OR51B5: variants seen among roughly 807,000 people sequenced by gnomAD.
OR51B5 encodes olfactory receptor 51B5.
For synonymous variants in OR51B5, 186 were observed against 144.8 expected (o/e 1.28, Z -2.04); for missense variants, 456 against 374.6 (o/e 1.22, Z -1.79).
chr11:5,480,287 T>A (rs894993170), intron 1 of OR51B5, among the ~76,000 whole-genome samples: 2 of 150,760 alleles, frequency 1.3e-5, no homozygotes, highest in African/African-American at 4.9e-5. Context: ...AAGGCAGAAA[T>A]AAAGATGTTC....
intron 1 of OR51B5, chr11:5,389,590 C>G (rs1173009557): frequency 1.2e-6 from 2 of 1,613,834 alleles, no homozygotes; most frequent in Non-Finnish European, 1.7e-6. Context: ...TTAAGACCAA[C>G]CCTCGTCTGC....
Position 5,489,671 on chromosome 11 carries a change from G to A in OR51B5, n.84+15898C>T, listed in dbSNP as rs749831694. On this transcript the variant is annotated intron_variant and non_coding_transcript_variant, in intron 1 of 4. Coordinates refer to the OR51B5 transcript ENST00000415970. Reference sequence around the variant, plus strand: ...GGGAAGACTTCAATATGAATGCTGAGCAGAAGTTGGAGATTTAAAAAAAAG... The same window carrying A: ...GGGAAGACTTCAATATGAATGCTGAACAGAAGTTGGAGATTTAAAAAAAAG... 5.7e-6 allele frequency: 9 copies of A among 1,583,588 alleles called. No homozygotes were observed. In the Admixed American group the frequency reaches 1.5e-4, roughly 27 times the overall value.
chr11:5,352,996 A>G (rs1198233226), intron 1 of OR51B5, among the ~76,000 whole-genome samples: 3 of 151,422 alleles, frequency 2.0e-5, no homozygotes, highest in Admixed American at 6.6e-5. Context: ...TATGGCTTGC[A>G]TATATTAGTC....
chr11:5,453,183 G>T, intron 1 of OR51B5: 1 of 220,118 alleles, frequency 4.5e-6, no homozygotes, highest in Non-Finnish European at 8.8e-6. Flanking sequence ...TTGTAGAAAT[G>T]TAGTTTAAAC....
intron 1 of OR51B5, among the ~76,000 whole-genome samples, chr11:5,349,991 C>A (rs550066687): frequency 6.6e-6 from 1 of 152,246 alleles, no homozygotes; most frequent in East Asian, 1.9e-4. Context: ...CCATCATCAT[C>A]TTATATCTGT....
rs746542613 is a variant in OR51B5, at chr11:5,441,605, T to A, written n.84+63964A>T. 86 of 970,328 alleles carry A rather than the reference T, an allele frequency of 8.9e-5. 1 individual carries two copies. The highest frequency in any genetic ancestry group is 1.9e-4 in the Admixed American group (8 of 42,170). The allele number at this position is 970,328 out of a possible 1,614,324, so 60.1% of individuals were successfully genotyped here. A position where few individuals can be genotyped will look rare whatever the true frequency, so the allele number is the denominator to read the frequency against. ...CAGATATCCTGTCTCCAACAAAAGG[T>A]CATAGATTGAAAATGATTGCCTGTA... is the stretch of plus-strand genomic sequence containing the variant. On this transcript the variant is annotated intron_variant and non_coding_transcript_variant, in intron 1 of 4. Transcript: ENST00000415970.
rs7106233 is a variant in OR51B5 at position 5,412,373 on chromosome 11, G to T, written n.85-65463C>A. On this transcript the variant is annotated intron_variant and non_coding_transcript_variant, in intron 1 of 4. Coordinates refer to the OR51B5 transcript ENST00000415970. ...TCCCAGCGTGAGCGATGCAGAAGAC[G>T]GGTGATTTCTGCATTTCCATCTGAG... Among the ~76,000 whole-genome samples the T allele has an allele frequency of 8.6e-5, 13 of 151,952 alleles. 1 individual carries two copies. Among genetic ancestry groups the T allele is most frequent in the Non-Finnish European group, 1.3e-4 (9 of 68,008 alleles).
chr11:5,503,289 G>A (rs1846323587), intron 1 of OR51B5, among the ~76,000 whole-genome samples: 1 of 152,098 alleles, frequency 6.6e-6, no homozygotes, highest in Non-Finnish European at 1.5e-5. Context: ...ACTGGTAATA[G>A]CACAGTTTCA....
chr11:5,364,271 T>A lies in OR51B5; in HGVS notation n.85-17361A>T, dbSNP rs531649900. Among the ~76,000 whole-genome samples the A allele has an allele frequency of 1.9e-4, 29 of 152,342 alleles. 3 individuals carry two copies. In the South Asian group the frequency reaches 5.8e-3, roughly 30 times the overall value. On this transcript the variant is annotated intron_variant and non_coding_transcript_variant, in intron 1 of 4. Transcript: ENST00000415970. Reference sequence around the variant, plus strand: ...CATAGTTAGATGAGCTTTTGATCTGTGCACTTTCCCTCGACCTTGACCACC... The same window carrying A: ...CATAGTTAGATGAGCTTTTGATCTGAGCACTTTCCCTCGACCTTGACCACC...
chr11:5,410,799 T>C (rs1850137462), intron 1 of OR51B5, among the ~76,000 whole-genome samples: 1 of 150,730 alleles, frequency 6.6e-6, no homozygotes, highest in Non-Finnish European at 1.5e-5. Context: ...TCTAGGCTAA[T>C]GTGTGTGTCC....
chr11:5,496,352 T>TAAAACACAATTG (rs58885366), intron 1 of OR51B5, among the ~76,000 whole-genome samples: 1 of 148,732 alleles, frequency 6.7e-6, no homozygotes, highest in South Asian at 2.2e-4. Context: ...TGTAATGATT[T>TAAAACACAATTG]GAATTGGCAA....
intron 1 of OR51B5, among the ~76,000 whole-genome samples, chr11:5,504,860 G>A (rs1052673858): frequency 6.6e-6 from 1 of 152,166 alleles, no homozygotes; most frequent in Non-Finnish European, 1.5e-5. Flanking sequence ...CCAGGCATGA[G>A]GCTGATGAGT....
chr11:5,370,532 T>TA (rs1849431963), intron 1 of OR51B5, among the ~76,000 whole-genome samples: 1 of 152,206 alleles, frequency 6.6e-6, no homozygotes, highest in South Asian at 2.1e-4. Context: ...CTTTCATTCT[T>TA]ACTTTCTGTC....
intron 1 of OR51B5, among the ~76,000 whole-genome samples, chr11:5,428,800 C>A (rs1331862470): frequency 6.6e-6 from 1 of 152,210 alleles, no homozygotes; most frequent in Non-Finnish European, 1.5e-5. Context: ...GTCCCTCCCC[C>A]AAACTAATCA....
intron 1 of OR51B5, chr11:5,389,788 G>A (rs1472019637): frequency 1.9e-6 from 3 of 1,613,948 alleles, no homozygotes; most frequent in East Asian, 4.5e-5. Flanking sequence ...TCCTCATGAT[G>A]TCCTTTGACC....
intron 1 of OR51B5, among the ~76,000 whole-genome samples, chr11:5,361,559 A>G (rs1849283997): frequency 6.6e-6 from 1 of 152,176 alleles, no homozygotes; most frequent in Non-Finnish European, 1.5e-5. Context: ...AATGAGCAGT[A>G]GACGGTTGGC....
At chr11:5,378,705 G>T (rs1347020208) in intron 1 of OR51B5, among the ~76,000 whole-genome samples, 1 of 152,120 alleles carries the variant, frequency 6.6e-6, no homozygotes, top group Non-Finnish European at 1.5e-5. Context: ...AAAGACACAT[G>T]AAAAAATGCT....
At chr11:5,492,651 G>A (rs1377308089) in intron 1 of OR51B5, among the ~76,000 whole-genome samples, 1 of 152,108 alleles carries the variant, frequency 6.6e-6, no homozygotes, top group African/African-American at 2.4e-5. Flanking sequence ...TGGAATCCAA[G>A]AGCTCTGGTT....
In OR51B5 at chr11:5,417,975, C is replaced by T. The variant is rs543300183; in HGVS notation, n.85-71065G>A. Among the ~76,000 whole-genome samples the T allele has an allele frequency of 4.5e-4, 67 of 148,426 alleles. 1 individual carries two copies. The highest frequency in any genetic ancestry group is 1.5e-3 in the African/African-American group (59 of 40,336). ...GACACATGCACACGTATGTTTATTG[C>T]GGCACTACTCACAATAGCAAACTTG... On this transcript the variant is annotated intron_variant and non_coding_transcript_variant, in intron 1 of 4. Transcript: ENST00000415970.
Sources: allele counts gnomAD v4.1 joint callset (sites outside exome capture counted in the v4.1 genomes callset), GRCh38; gene constraint gnomAD v4.1.1; transcripts MANE v1.5; gene names NCBI Gene and HGNC (gene_info 2026-07-23, HGNC 2026-07-21).